The following SEC24B variants were observed in gnomAD, a reference collection of about 807,000 sequenced individuals.
SEC24B encodes SEC24 homolog B, COPII component.
SEC24B carries 45 observed loss-of-function variants against 142.8 expected under a neutral mutation model. The ratio of observed to expected loss-of-function variants is 0.32; its 90% CI spans 0.25 to 0.40. The LOEUF (loss-of-function observed/expected upper bound fraction) is 0.40. Among genes scored for constraint, SEC24B ranks in the 10% least tolerant of loss-of-function variants. The probability of loss-of-function intolerance (pLI) is 1.00; values close to 1 mark genes in which losing one functional copy is unlikely to be tolerated. For missense variants in SEC24B, 1,409 were observed against 1,526.8 expected (o/e 0.92, Z 1.29); for synonymous variants, 574 against 568.2 (o/e 1.01, Z -0.15).
chr4:109,531,424 C>T lies in SEC24B; in HGVS notation c.3292C>T (p.Arg1098Cys), dbSNP rs1724919907. 6.8e-6 allele frequency: 11 copies of T among 1,613,104 alleles called. No individual in the cohort carries two copies. Among genetic ancestry groups the T allele is most frequent in the Non-Finnish European group, 9.3e-6 (11 of 1,179,278 alleles). ...RTGTSTRLDD[R>C]VYAMCQIKSQ... ...GGGTACAAGCACACGGCTGGATGAT[C>T]GTGTATATGCCATGTGTCAGATAAA... Residue 1098 changes from arginine (R) to cysteine (C), a missense_variant, in exon 20 of 24, where the codon CGT becomes TGT. By Grantham distance (180) the Arg-to-Cys change is radical (BLOSUM62 -3). Coordinates refer to ENST00000265175, the MANE Select transcript of SEC24B (RefSeq NM_006323.5).
At chr4:109,457,850 C>G (rs1354063460) in intron 1 of SEC24B, among the ~76,000 whole-genome samples, 2 of 152,144 alleles carry the variant, frequency 1.3e-5, no homozygotes, top group Admixed American at 1.3e-4. Context: ...CATTTAGAAC[C>G]CACTCAAATA....
chr4:109,447,860 A>G (rs1239840778), intron 1 of SEC24B, among the ~76,000 whole-genome samples: 1 of 152,220 alleles, frequency 6.6e-6, no homozygotes, highest in East Asian at 1.9e-4. Context: ...AAACCAAGGC[A>G]TCTACAGGGC....
At chr4:109,440,314 A>T (rs1427554415) in intron 1 of SEC24B, among the ~76,000 whole-genome samples, 1 of 152,150 alleles carries the variant, frequency 6.6e-6, no homozygotes, top group African/African-American at 2.4e-5. Context: ...CATTGCCACC[A>T]CTAGTATTTC....
chr4:109,497,464 AG>A (rs1735649773), intron 6 of SEC24B, among the ~76,000 whole-genome samples: 1 of 152,226 alleles, frequency 6.6e-6, no homozygotes, highest in Non-Finnish European at 1.5e-5. Flanking sequence ...TATACTAAAA[AG>A]TAACCTGGGT....
At chr4:109,466,691 T>C (rs1578816671) in intron 2 of SEC24B, among the ~76,000 whole-genome samples, 1 of 152,336 alleles carries the variant, frequency 6.6e-6, no homozygotes, top group Non-Finnish European at 1.5e-5. Flanking sequence ...ATTACAGGCG[T>C]GAGCCACTGC....
intron 16 of SEC24B, 44 bp downstream of exon 16, chr4:109,525,548 C>T: frequency 7.2e-7 from 1 of 1,384,984 alleles, no homozygotes. Flanking sequence ...ATACTTGTAT[C>T]AAAGTCAGTG....
At chr4:109,525,245 T>A in intron 15 of SEC24B, 101 bp from the exon 16 acceptor site, 1 of 1,024,674 alleles carries the variant, frequency 9.8e-7, no homozygotes, top group Non-Finnish European at 1.4e-6. Flanking sequence ...TTAGGTTTTC[T>A]CATGACTTAG....
In SEC24B at chr4:109,446,836, T is replaced by TA. The variant is rs141321734; in HGVS notation, c.133+12835dup. Among the ~76,000 whole-genome samples, 706 of 152,330 alleles carry TA rather than the reference T, an allele frequency of 4.6e-3. 1 individual carries two copies. Among genetic ancestry groups the TA allele is most frequent in the Admixed American group, 0.012 (189 of 15,298 alleles). ...GCCTGATACAGAAATACTTGATGAT[T>TA]ATTTACTAGGCTTCATTTTATAAAA... On this transcript the variant is annotated intron_variant, in intron 1 of 23. Coordinates refer to ENST00000265175, the MANE Select transcript of SEC24B (RefSeq NM_006323.5).
At chr4:109,454,084 C>G (rs1190117920) in intron 1 of SEC24B, among the ~76,000 whole-genome samples, 1 of 152,162 alleles carries the variant, frequency 6.6e-6, no homozygotes, top group Non-Finnish European at 1.5e-5. Context: ...TCTCGAACTC[C>G]TGACCTCAGG....
intron 1 of SEC24B, among the ~76,000 whole-genome samples, chr4:109,443,935 G>A (rs930105816): frequency 5.3e-5 from 8 of 152,020 alleles, no homozygotes; most frequent in Non-Finnish European, 1.5e-5. Flanking sequence ...ATGAAAGAAT[G>A]GTTTGGGCCC....
intron 1 of SEC24B, among the ~76,000 whole-genome samples, chr4:109,451,748 T>C (rs1165374095): frequency 6.6e-6 from 1 of 152,198 alleles, no homozygotes; most frequent in Non-Finnish European, 1.5e-5. Context: ...TGCTTCAGGC[T>C]CTGAAAGTCG....
Position 109,533,638 on chromosome 4 carries a change from G to C in SEC24B, c.3541G>C (p.Glu1181Gln). The C allele has an allele frequency of 6.2e-7, 1 of 1,611,230 alleles. No individual in the cohort carries two copies. The highest frequency in any genetic ancestry group is 8.5e-7 in the Non-Finnish European group (1 of 1,179,002). Reference sequence around the variant, plus strand: ...GAAAGGCTGTGACAATAACTTCATAGAGGATGTGCTTGGATATACTAATTT... The same window carrying C: ...GAAAGGCTGTGACAATAACTTCATACAGGATGTGCTTGGATATACTAATTT... The part of the protein sequence containing the change: ...VGKGCDNNFI[E>Q]DVLGYTNFAS... The change falls in exon 22 of 24, where the codon GAG (glutamate) becomes CAG (glutamine). Residue 1181 changes from glutamate to glutamine, a missense_variant. By Grantham distance (29) the Glu-to-Gln change is conservative. Transcript: ENST00000265175.
chr4:109,511,328 CAT>C (rs1470752688), intron 8 of SEC24B, among the ~76,000 whole-genome samples: 4 of 151,646 alleles, frequency 2.6e-5, no homozygotes, highest in African/African-American at 9.7e-5. Context: ...TAATAATAAT[CAT>C]ATATGTGAAA....
At chr4:109,453,155 C>T (rs993998490) in intron 1 of SEC24B, among the ~76,000 whole-genome samples, 5 of 152,120 alleles carry the variant, frequency 3.3e-5, no homozygotes, top group African/African-American at 9.7e-5. Flanking sequence ...ACAGAGATCC[C>T]ATGCTTTAAG....
At chr4:109,441,003 G>A (rs1043167243) in intron 1 of SEC24B, among the ~76,000 whole-genome samples, 1 of 152,166 alleles carries the variant, frequency 6.6e-6, no homozygotes, top group African/African-American at 2.4e-5. Flanking sequence ...CTGGTAATAG[G>A]CCATCTATTT....
At chr4:109,523,192 G>A (rs747947733) in intron 14 of SEC24B, among the ~76,000 whole-genome samples, 33 of 152,074 alleles carry the variant, frequency 2.2e-4, no homozygotes, top group Admixed American at 9.8e-4. Flanking sequence ...AATAATGGCC[G>A]GGTGCAGTGG....
chr4:109,526,464 T>C (rs1724239325), intron 17 of SEC24B, 65 bp downstream of exon 17: 3 of 1,217,652 alleles, frequency 2.5e-6, no homozygotes, highest in Admixed American at 2.3e-5. Flanking sequence ...ACATGGCCTT[T>C]AGTGGAGTGG....
chr4:109,514,684 G>A (rs1737734779), intron 10 of SEC24B, among the ~76,000 whole-genome samples: 1 of 152,174 alleles, frequency 6.6e-6, no homozygotes, highest in Non-Finnish European at 1.5e-5. Flanking sequence ...GGCAACAGGG[G>A]AAGACTCCGT....
chr4:109,538,016 T>C (rs1479478997), intron 22 of SEC24B, among the ~76,000 whole-genome samples: 2 of 152,186 alleles, frequency 1.3e-5, no homozygotes, highest in Non-Finnish European at 2.9e-5. Flanking sequence ...AGTTTTAAAA[T>C]ATATTTACAT....
Sources: gnomAD v4.1 joint callset for allele counts (sites outside exome capture counted in the v4.1 genomes callset) on GRCh38, gnomAD v4.1.1 for gene constraint, MANE v1.5 for transcripts, NCBI Gene and HGNC (gene_info 2026-07-23, HGNC 2026-07-21) for gene names.